PTPRD: variants seen among roughly 807,000 people sequenced by gnomAD.
PTPRD encodes receptor-type tyrosine-protein phosphatase delta.
Under a neutral mutation model 214.5 loss-of-function variants are expected in PTPRD, and 34 were observed. The observed-to-expected ratio is 0.16, with a 90% CI of 0.12 to 0.21. The LOEUF is 0.21. Among genes scored for constraint, PTPRD ranks in the 10% least tolerant of loss-of-function variants. PTPRD has a pLI of 1.00. For missense variants in PTPRD, 2,545 were observed against 2,398.7 expected, an observed-to-expected ratio of 1.06 and a Z score of -1.27; for synonymous variants, 1,128 against 845.7, an observed-to-expected ratio of 1.33 and a Z score of -5.79.
At chr9:9,415,050 G>A (rs904490546) in intron 8 of PTPRD, among the ~76,000 whole-genome samples, 1 of 152,102 alleles carries the variant, frequency 6.6e-6, no homozygotes, top group Admixed American at 6.5e-5. Flanking sequence ...TTTTGAACTG[G>A]ACCTAATTAC....
chr9:8,512,811 G>C (rs1006219972), intron 21 of PTPRD, among the ~76,000 whole-genome samples: 3 of 151,918 alleles, frequency 2.0e-5, no homozygotes, highest in Non-Finnish European at 2.9e-5. Flanking sequence ...CACATATTAG[G>C]ATTTAAGATT....
intron 10 of PTPRD, among the ~76,000 whole-genome samples, chr9:9,144,085 T>G (rs10816049): frequency 6.6e-6 from 1 of 152,202 alleles, no homozygotes; most frequent in African/African-American, 2.4e-5. Context: ...ATGGATGGAG[T>G]ATTTCCCTTC....
At chr9:8,629,116 TA>T (rs542176006) in intron 14 of PTPRD, among the ~76,000 whole-genome samples, 24 of 151,594 alleles carry the variant, frequency 1.6e-4, no homozygotes, top group Non-Finnish European at 2.4e-4. Flanking sequence ...ATTACTCCCC[TA>T]AAAAAAATTC....
chr9:8,929,741 A>ATATGTGTATATATATGTGTATATATATG (rs1555536518), intron 11 of PTPRD, among the ~76,000 whole-genome samples: 4 of 101,724 alleles, frequency 3.9e-5, no homozygotes, highest in East Asian at 3.3e-4. Context: ...GTGTATATAT[A>ATATGTGTATATATATGTGTATATATATG]TGTGTATATA....
At chr9:8,569,327 C>A (rs975018529) in intron 14 of PTPRD, among the ~76,000 whole-genome samples, 5 of 152,152 alleles carry the variant, frequency 3.3e-5, no homozygotes, top group African/African-American at 1.2e-4. Context: ...TCATATCAGG[C>A]AGGCAATCAT....
At chr9:10,105,985 G>T (rs1486645239) in intron 3 of PTPRD, among the ~76,000 whole-genome samples, 1 of 39,838 alleles carries the variant, frequency 2.5e-5, no homozygotes, top group Admixed American at 3.7e-4. Flanking sequence ...GACAAAACAA[G>T]AACAAGAATC....
chr9:10,164,948 G>C (rs2099150307), intron 3 of PTPRD, among the ~76,000 whole-genome samples: 1 of 150,270 alleles, frequency 6.7e-6, no homozygotes, highest in Non-Finnish European at 1.5e-5. Context: ...TAGAGCACTA[G>C]ACCTACACTT....
chr9:9,753,344 A>T (rs1322319578), intron 6 of PTPRD, among the ~76,000 whole-genome samples: 1 of 152,002 alleles, frequency 6.6e-6, no homozygotes, highest in African/African-American at 2.4e-5. Flanking sequence ...AATTTGTGTT[A>T]TGAAGTGAAT....
At chr9:8,528,291 G>T in intron 15 of PTPRD, 1 of 436,060 alleles carries the variant, frequency 2.3e-6, no homozygotes, top group Non-Finnish European at 4.0e-6. Flanking sequence ...AGGAGAAAAT[G>T]GATCCATCAA....
chr9:10,281,258 T>A (rs73641901), intron 3 of PTPRD, among the ~76,000 whole-genome samples: 1,797 of 152,302 alleles, frequency 0.012, 41 homozygotes, highest in African/African-American at 0.041. Flanking sequence ...GAAATGGTGG[T>A]TAGTTTAGAT....
intron 9 of PTPRD, among the ~76,000 whole-genome samples, chr9:9,267,509 CAA>C (rs1940520788): frequency 1.3e-5 from 2 of 151,088 alleles, no homozygotes; most frequent in Admixed American, 1.3e-4. Context: ...CAAATTGTTA[CAA>C]GAAATTGAAG....
At chr9:10,539,912 A>G (rs2058712208) in intron 2 of PTPRD, among the ~76,000 whole-genome samples, 1 of 152,200 alleles carries the variant, frequency 6.6e-6, no homozygotes, top group Non-Finnish European at 1.5e-5. Flanking sequence ...ATCAACAACA[A>G]TCATTATTAT....
chr9:9,462,036 C>T (rs984656828), intron 8 of PTPRD, among the ~76,000 whole-genome samples: 1 of 152,074 alleles, frequency 6.6e-6, no homozygotes, highest in South Asian at 2.1e-4. Flanking sequence ...GTTTGCTTCT[C>T]TATTTTTGTC....
At chr9:10,093,095 G>A (rs1007654216) in intron 3 of PTPRD, among the ~76,000 whole-genome samples, 1 of 151,380 alleles carries the variant, frequency 6.6e-6, no homozygotes, top group Non-Finnish European at 1.5e-5. Flanking sequence ...AACAAAAATT[G>A]AAAAATAGGA....
intron 5 of PTPRD, among the ~76,000 whole-genome samples, chr9:9,845,255 T>C (rs940612057): frequency 1.4e-5 from 2 of 146,032 alleles, no homozygotes; most frequent in African/African-American, 5.0e-5. Context: ...AACAATTCTA[T>C]TTAGAAACCT....
chr9:9,429,005 A>G (rs1285332341), intron 8 of PTPRD, among the ~76,000 whole-genome samples: 1 of 152,242 alleles, frequency 6.6e-6, no homozygotes, highest in African/African-American at 2.4e-5. Flanking sequence ...TAGAGAAGCA[A>G]GAGCAAACAC....
chr9:8,722,510 C>G (rs939885632), intron 12 of PTPRD, among the ~76,000 whole-genome samples: 1 of 145,358 alleles, frequency 6.9e-6, no homozygotes, highest in African/African-American at 2.5e-5. Flanking sequence ...TTTTTTTTTT[C>G]TTAAATGGAA....
At chr9:9,127,534 T>C (rs115202207) in intron 10 of PTPRD, among the ~76,000 whole-genome samples, 217 of 152,262 alleles carry the variant, frequency 1.4e-3, no homozygotes, top group African/African-American at 4.4e-3. Context: ...AACTGAAAGG[T>C]TTGACTTGAG....
chr9:8,979,365 G>A (rs552990488), intron 11 of PTPRD, among the ~76,000 whole-genome samples: 1 of 151,940 alleles, frequency 6.6e-6, no homozygotes, highest in Non-Finnish European at 1.5e-5. Context: ...CAAAGGCTCA[G>A]GCTACAAAAG....
Sources: allele counts gnomAD v4.1 joint callset (sites outside exome capture counted in the v4.1 genomes callset), GRCh38; gene constraint gnomAD v4.1.1; transcripts MANE v1.5; gene names NCBI Gene and HGNC (gene_info 2026-07-23, HGNC 2026-07-21).